The following SH3KBP1 variants were observed in gnomAD, a reference collection of about 807,000 sequenced individuals.
The protein encoded by SH3KBP1 is SH3 domain-containing kinase-binding protein 1.
Under a neutral mutation model 50.1 loss-of-function variants are expected in SH3KBP1, and 8 were observed. That is an observed-to-expected ratio of 0.16 (90% CI 0.09 to 0.29). The LOEUF (loss-of-function observed/expected upper bound fraction) is 0.29, where lower values mean the gene tolerates loss of function less well. SH3KBP1 is among the 10% of genes least tolerant of loss of function. The pLI, the probability that SH3KBP1 is intolerant of heterozygous loss-of-function variation, is 1.00. For synonymous variants in SH3KBP1, 227 were observed against 218.6 expected (o/e 1.04, Z -0.34); for missense variants, 377 against 535.2 (o/e 0.70, Z 2.92).
chrX:19,540,114 AG>A (rs1216930295), intron 16 of SH3KBP1, among the ~76,000 whole-genome samples: 1 of 111,607 alleles, frequency 9.0e-6, no homozygotes, highest in Non-Finnish European at 1.9e-5. Flanking sequence ...TGTCTAGGAA[AG>A]GGACACAGGT....
At chrX:19,791,334 T>C (rs1387223266) in intron 2 of SH3KBP1, among the ~76,000 whole-genome samples, 1 of 111,214 alleles carries the variant, frequency 9.0e-6, no homozygotes, top group African/African-American at 3.3e-5. Context: ...AGACTCATAA[T>C]AGAAGGTGAC....
At chrX:19,646,691 T>C (rs890270592) in intron 6 of SH3KBP1, among the ~76,000 whole-genome samples, 4 of 112,814 alleles carry the variant, frequency 3.5e-5, no homozygotes, top group African/African-American at 1.3e-4. Flanking sequence ...AAGTTATTCA[T>C]GCTTCAAACG....
intron 14 of SH3KBP1, 41 bp downstream of exon 14, chrX:19,549,933 G>A (rs1300491017): frequency 8.2e-6 from 8 of 981,245 alleles, no homozygotes; most frequent in East Asian, 3.1e-5. Flanking sequence ...CTTTTCCGCT[G>A]TAGAGAAGTA....
intron 12 of SH3KBP1, among the ~76,000 whole-genome samples, chrX:19,574,709 G>T (rs1569301025): frequency 8.9e-6 from 1 of 112,540 alleles, no homozygotes; most frequent in Non-Finnish European, 1.9e-5. Context: ...ACATCAATTT[G>T]TGGGAGGGGG....
chrX:19,830,911 A>G (rs2067854220), intron 2 of SH3KBP1, among the ~76,000 whole-genome samples: 1 of 112,385 alleles, frequency 8.9e-6, no homozygotes, highest in East Asian at 2.8e-4. Context: ...AGCTGGGTAC[A>G]TTTCTGCATA....
rs756870377 is a variant in SH3KBP1, at chrX:19,829,564, T to C, written c.162+6561A>G. Among the ~76,000 whole-genome samples the C allele has an allele frequency of 6.4e-5, 7 of 108,879 alleles. No individual in the cohort carries two copies. In the East Asian group the frequency reaches 2.0e-3, roughly 31 times the overall value. 94.5% of individuals were successfully genotyped at this position (108,879 alleles called of 115,157 possible). ...GAGATTGAGATCGTCCTGGCCAACA[T>C]GTGAAACCCTGTCTCTACTAAAAAT... On this transcript the variant is annotated intron_variant, in intron 2 of 17. Transcript: ENST00000397821.
In SH3KBP1 at chrX:19,746,698, TA is replaced by T. The variant is rs758350835; in HGVS notation, c.163-258del. Among the ~76,000 whole-genome samples, 9 of 111,888 alleles carry T rather than the reference TA, an allele frequency of 8.0e-5. No homozygotes were observed. The South Asian group carries it at 2.6e-3, about 32-fold the overall frequency. On this transcript the variant is annotated intron_variant, in intron 2 of 17. Coordinates refer to ENST00000397821, the MANE Select transcript of SH3KBP1 (RefSeq NM_031892.3). ...TAACTATGGCCATTCCATGTGACTA[TA>T]AAGAGAATGAGTGAAACATAAAAGC...
At chrX:19,704,320 C>T (rs1321866685) in intron 4 of SH3KBP1, among the ~76,000 whole-genome samples, 1 of 112,560 alleles carries the variant, frequency 8.9e-6, no homozygotes, top group Non-Finnish European at 1.9e-5. Flanking sequence ...CCTCTTTCTC[C>T]TTTAAGCAAT....
intron 9 of SH3KBP1, among the ~76,000 whole-genome samples, chrX:19,603,458 A>C (rs1469759145): frequency 8.9e-6 from 1 of 111,991 alleles, no homozygotes; most frequent in African/African-American, 3.3e-5. Flanking sequence ...GTGACTCAGC[A>C]AAGGCGAGCC....
intron 1 of SH3KBP1, among the ~76,000 whole-genome samples, chrX:19,842,500 T>C (rs2068251296): frequency 9.0e-6 from 1 of 111,643 alleles, no homozygotes; most frequent in Non-Finnish European, 1.9e-5. Context: ...CACTCCAGCC[T>C]GGGTGACAGA....
chrX:19,659,039 T>C (rs1262221207), intron 6 of SH3KBP1, among the ~76,000 whole-genome samples: 7 of 108,267 alleles, frequency 6.5e-5, no homozygotes, highest in Non-Finnish European at 9.6e-5. Flanking sequence ...CACCGCAGCC[T>C]TGACCTCCTG....
intron 1 of SH3KBP1, among the ~76,000 whole-genome samples, chrX:19,876,766 C>A (rs1007438484): frequency 9.0e-6 from 1 of 111,463 alleles, no homozygotes; most frequent in African/African-American, 3.3e-5. Flanking sequence ...GACTTTTTCC[C>A]GTAAACACTT....
At chrX:19,780,570 T>C (rs772228733) in intron 2 of SH3KBP1, among the ~76,000 whole-genome samples, 1,654 of 109,268 alleles carry the variant, frequency 0.015, 15 homozygotes, top group Non-Finnish European at 0.022. Context: ...GTTTTTATGG[T>C]TTTAGGTCTA....
intron 12 of SH3KBP1, chrX:19,588,431 CCCTCAA>C (rs772341774): frequency 4.9e-5 from 56 of 1,148,240 alleles, no homozygotes; most frequent in South Asian, 3.8e-4. Flanking sequence ...CACACCGCAC[CCCTCAA>C]CCTCACACTC....
At chrX:19,766,380 TAGG>T (rs993327464) in intron 2 of SH3KBP1, among the ~76,000 whole-genome samples, 2 of 109,892 alleles carry the variant, frequency 1.8e-5, no homozygotes, top group African/African-American at 6.6e-5. Flanking sequence ...TGTTGAGTTG[TAGG>T]AGTTCTTTAT....
At chrX:19,808,101 C>T (rs1408688071) in intron 2 of SH3KBP1, among the ~76,000 whole-genome samples, 1 of 111,401 alleles carries the variant, frequency 9.0e-6, no homozygotes, top group Non-Finnish European at 1.9e-5. Flanking sequence ...GCAGCTCTCC[C>T]TGCTGTAACC....
At chrX:19,773,259 G>C (rs916148207) in intron 2 of SH3KBP1, among the ~76,000 whole-genome samples, 1 of 111,221 alleles carries the variant, frequency 9.0e-6, no homozygotes, top group Non-Finnish European at 1.9e-5. Flanking sequence ...CTTTGTCCTA[G>C]ATCACAACTT....
intron 1 of SH3KBP1, among the ~76,000 whole-genome samples, chrX:19,883,136 G>T (rs908027062): frequency 1.8e-5 from 2 of 112,076 alleles, no homozygotes; most frequent in Non-Finnish European, 3.8e-5. Flanking sequence ...CCACCTGGAG[G>T]ACTCATGAAA....
chrX:19,648,249 G>A (rs1246128205), intron 6 of SH3KBP1, among the ~76,000 whole-genome samples: 2 of 108,235 alleles, frequency 1.8e-5, no homozygotes, highest in Non-Finnish European at 3.8e-5. Flanking sequence ...GTAGGTGGAA[G>A]GAAGGAGGAG....
Sources: gnomAD v4.1 joint callset for allele counts (sites outside exome capture counted in the v4.1 genomes callset) on GRCh38, gnomAD v4.1.1 for gene constraint, MANE v1.5 for transcripts, NCBI Gene and HGNC (gene_info 2026-07-23, HGNC 2026-07-21) for gene names.